The following UBR4 variants were observed in gnomAD, a reference collection of about 807,000 sequenced individuals.
UBR4 encodes ubiquitin protein ligase E3 component n-recognin 4.
UBR4 carries 124 observed loss-of-function variants against 575.6 expected under a neutral mutation model. The ratio of observed to expected loss-of-function variants is 0.22; its 90% CI spans 0.19 to 0.25. UBR4 has a LOEUF of 0.25. Among genes scored for constraint, UBR4 ranks in the 10% least tolerant of loss-of-function variants. The pLI, the probability that UBR4 is intolerant of heterozygous loss-of-function variation, is 1.00. For missense variants in UBR4, 4,818 were observed against 6,478.8 expected (o/e 0.74, Z 8.80); for synonymous variants, 2,455 against 2,473.7 (o/e 0.99, Z 0.22).
In UBR4 at chr1:19,118,883, C is replaced by T. The variant is rs750389797; in HGVS notation, c.10530G>A (p.Ser3510=). ...AAAACAAAGCTCACTTATAAATGTT[C>T]GAGTTGGGGTGGTTGGTAAGAATAT... ...QNHILTNHPN[S]NIYNTLSGLV... is the part of the protein sequence containing the mutation. The change falls in exon 71 of 106, where the codon TCG becomes TCA. Residue 3510 remains serine, a synonymous_variant. Transcript: ENST00000375254. 1.4e-5 allele frequency: 23 copies of T among 1,614,114 alleles called. No individual in the cohort carries two copies. Among genetic ancestry groups the T allele is most frequent in the Non-Finnish European group, 1.8e-5 (21 of 1,180,018 alleles).
chr1:19,172,789 C>G, intron 25 of UBR4, 75 bp downstream of exon 25: 1 of 1,466,802 alleles, frequency 6.8e-7, no homozygotes, highest in Admixed American at 1.8e-5. Flanking sequence ...AGAAAAATGT[C>G]AAATTCTGAG....
At chr1:19,156,196 A>C (rs1205681044) in intron 42 of UBR4, 75 bp downstream of exon 42, 2 of 1,568,508 alleles carry the variant, frequency 1.3e-6, no homozygotes, top group African/African-American at 2.7e-5. Context: ...TCCTGGGAGA[A>C]GCTAGCACAT....
Position 19,123,118 on chromosome 1 carries a change from T to C in UBR4, c.9589-58A>G. 3.2e-6 allele frequency: 5 copies of C among 1,563,426 alleles called. No individual in the cohort carries two copies. The South Asian group carries it at 5.7e-5, about 18-fold the overall frequency. On this transcript the variant is annotated intron_variant, in intron 65 of 105. Transcript: ENST00000375254. ...ACTCTGGGACTGTATCTATATCAAC[T>C]GTGGCTCTCACACCCTGGGTTTTAA... is the stretch of plus-strand genomic sequence containing the variant.
At chr1:19,077,316 C>A (rs2076041183) in intron 104 of UBR4, among the ~76,000 whole-genome samples, 1 of 152,236 alleles carries the variant, frequency 6.6e-6, no homozygotes. Context: ...GTCAGACTCA[C>A]TCAGGGCAAC....
Position 19,164,308 on chromosome 1 carries a change from G to C in UBR4, c.4645C>G (p.Gln1549Glu). 1 of 1,614,206 alleles carries C rather than the reference G, an allele frequency of 6.2e-7. No homozygotes were observed. Among genetic ancestry groups the C allele is most frequent in the Non-Finnish European group, 8.5e-7 (1 of 1,180,034 alleles). Residue 1549 changes from glutamine to glutamate, a missense_variant, in exon 33 of 106, where the codon CAA becomes GAA. By Grantham distance (29) the Gln-to-Glu change is conservative. Transcript: ENST00000375254. ...TGAAGCTGAAGGTGACCAGCACCTT[G>C]ACCTGCACTGGCCAGAGTGGCCATC... Reference protein sequence around the residue: ...VVMATLASAGQGAGHLQLHNA... With the variant: ...VVMATLASAGEGAGHLQLHNA...
chr1:19,152,547 T>C lies in UBR4; in HGVS notation c.6833-71A>G. On this transcript the variant is annotated intron_variant, in intron 46 of 105. Coordinates refer to ENST00000375254, the MANE Select transcript of UBR4 (RefSeq NM_020765.3). This position sits in a 1 kb window ranked among gnomAD's most constrained non-coding sequence, Gnocchi z 4.4. ...CCCCAACACCACTGGTAAAGACTCCTCCCAGACAGAGCCCACACTCACACT... is the reference window on the plus strand; with the variant it reads ...CCCCAACACCACTGGTAAAGACTCCCCCCAGACAGAGCCCACACTCACACT... 1 of 1,588,674 alleles carries C rather than the reference T, an allele frequency of 6.3e-7. No individual in the cohort carries two copies. Among genetic ancestry groups the C allele is most frequent in the Non-Finnish European group, 8.6e-7 (1 of 1,163,714 alleles).
At chr1:19,101,921 G>A (rs75753286) in intron 87 of UBR4, among the ~76,000 whole-genome samples, 6,684 of 152,286 alleles carry the variant, frequency 0.044, 190 homozygotes, top group African/African-American at 0.072. Context: ...ACCTCCTCAA[G>A]GAGAGGGACT....
intron 60 of UBR4, among the ~76,000 whole-genome samples, chr1:19,132,584 C>G (rs144083064): frequency 2.1e-4 from 2 of 9,688 alleles, no homozygotes; most frequent in Non-Finnish European, 4.4e-4. Flanking sequence ...ACAATAACAA[C>G]AAAAAAAAAG....
At chr1:19,134,446 A>G (rs2082956570) in intron 60 of UBR4, among the ~76,000 whole-genome samples, 1 of 152,154 alleles carries the variant, frequency 6.6e-6, no homozygotes, top group Admixed American at 6.5e-5. Context: ...CAACAAGAAT[A>G]AGTAAACTAA....
chr1:19,144,299 G>C (rs144906577), intron 54 of UBR4, among the ~76,000 whole-genome samples: 2 of 152,194 alleles, frequency 1.3e-5, no homozygotes, highest in African/African-American at 4.8e-5. Flanking sequence ...CTAACCTCCT[G>C]TCTCTCAGTT....
At position 19,168,102 on chromosome 1, in the gene UBR4, C is replaced by T; in HGVS notation, c.3824G>A (p.Ser1275Asn). ...GGAAGCAGCCAGGGGCAGACTTTGGCTACAGAGAGTCCCCAGGTGTGCAGC... is the reference window on the plus strand; with the variant it reads ...GGAAGCAGCCAGGGGCAGACTTTGGTTACAGAGAGTCCCCAGGTGTGCAGC... The part of the protein sequence containing the change: ...VQAAHLGTLC[S>N]QSLPLAASLK... Residue 1275 changes from serine to asparagine, a missense_variant, in exon 28 of 106, where the codon AGC becomes AAC. Transcript: ENST00000375254. 1 of 1,613,730 alleles carries T rather than the reference C, an allele frequency of 6.2e-7. No individual in the cohort carries two copies. Among genetic ancestry groups the T allele is most frequent in the South Asian group, 1.1e-5 (1 of 91,050 alleles).
At chr1:19,104,980 G>T in intron 85 of UBR4, 68 bp downstream of exon 85, 1 of 1,566,912 alleles carries the variant, frequency 6.4e-7, no homozygotes, top group Non-Finnish European at 8.6e-7. Flanking sequence ...AAACACCATA[G>T]TAGAGTTTAC....
At chr1:19,172,620 T>A (rs1446615060) in intron 25 of UBR4, among the ~76,000 whole-genome samples, 1 of 152,208 alleles carries the variant, frequency 6.6e-6, no homozygotes, top group Admixed American at 6.5e-5. Flanking sequence ...TTTCTCTGTA[T>A]CCTACGAGTA....
Position 19,117,971 on chromosome 1 carries a change from CA to C in UBR4, c.10542-62del. The C allele has an allele frequency of 6.6e-7, 1 of 1,522,624 alleles. No individual in the cohort carries two copies. The highest frequency in any genetic ancestry group is 1.7e-4 in the Middle Eastern group (1 of 5,868). 94.3% of individuals were successfully genotyped at this position (1,522,624 alleles called of 1,614,324 possible). On this transcript the variant is annotated intron_variant, in intron 71 of 105. Transcript: ENST00000375254. The surrounding 1 kb of genome is among the most constrained non-coding windows in gnomAD (Gnocchi z 4.0). ...TCATCTTAGGAAGCACTGAGTTTCA[CA>C]AAAAAATCATGACAAAGCCATGGCT...
In UBR4 at chr1:19,153,613, C is replaced by T. The variant is rs1221255404; in HGVS notation, c.6631-111G>A. 1.4e-6 allele frequency: 2 copies of T among 1,478,230 alleles called. No individual in the cohort carries two copies. The highest frequency in any genetic ancestry group is 9.2e-7 in the Non-Finnish European group (1 of 1,083,478). 91.6% of individuals were successfully genotyped at this position (1,478,230 alleles called of 1,614,324 possible). On this transcript the variant is annotated intron_variant, in intron 45 of 105. Transcript: ENST00000375254. The surrounding 1 kb of genome is among the most constrained non-coding windows in gnomAD (Gnocchi z 4.1). ...TTTCATGGTCAGTTGAGGGGCTGTA[C>T]AGAAGGGTGGCAAAGAAAAGGCATC...
intron 25 of UBR4, among the ~76,000 whole-genome samples, chr1:19,172,392 C>T (rs1050783067): frequency 7.2e-5 from 11 of 152,134 alleles, no homozygotes; most frequent in African/African-American, 2.7e-4. Context: ...TGGTGCATGC[C>T]TGTAATCCCA....
At chr1:19,149,924 G>C in intron 49 of UBR4, 180 of 472,372 alleles carry the variant, frequency 3.8e-4, no homozygotes, top group Non-Finnish European at 5.8e-4. Context: ...GGAAGGGAGG[G>C]AGGAGGCTGG....
chr1:19,195,969 TACACACACACACACACACACACAC>T (rs55820713), intron 8 of UBR4, among the ~76,000 whole-genome samples: 112 of 134,140 alleles, frequency 8.3e-4, no homozygotes, highest in Non-Finnish European at 1.3e-3. Flanking sequence ...GACTTACTTA[TACACACACACACACACACACACAC>T]ACACACACAC....
rs763443636 is a variant in UBR4, at chr1:19,110,706, T to C, written c.11892+36A>G. ...GAAACACAAGGCATGTGAGGGGAAG[T>C]CAGAGAGGACAGCTGGGCCTGCTAG... On this transcript the variant is annotated intron_variant, in intron 79 of 105. Transcript: ENST00000375254. This position sits in a 1 kb window ranked among gnomAD's most constrained non-coding sequence, Gnocchi z 4.5. 5.6e-6 allele frequency: 9 copies of C among 1,606,392 alleles called. No homozygotes were observed. The highest frequency in any genetic ancestry group is 7.7e-6 in the Non-Finnish European group (9 of 1,173,664).
Sources: allele counts gnomAD v4.1 joint callset (sites outside exome capture counted in the v4.1 genomes callset), GRCh38; gene constraint gnomAD v4.1.1; non-coding constraint Gnocchi (gnomAD v3.1); transcripts MANE v1.5; gene names NCBI Gene and HGNC (gene_info 2026-07-23, HGNC 2026-07-21).